The following ACAP2 variants were observed in gnomAD, a reference collection of about 807,000 sequenced individuals.
ACAP2 encodes the protein ArfGAP with coiled-coil, ankyrin repeat and PH domains 2, also known as arf-GAP with coiled-coil, ANK repeat and PH domain-containing protein 2.
ACAP2 carries 39 observed loss-of-function variants against 115.8 expected under a neutral mutation model. The ratio of observed to expected loss-of-function variants is 0.34; its 90% CI spans 0.26 to 0.44. The LOEUF (loss-of-function observed/expected upper bound fraction) is 0.44. Among genes scored for constraint, ACAP2 ranks in the 20% least tolerant of loss-of-function variants. The pLI is 1.00. For synonymous variants in ACAP2, 289 were observed against 315.8 expected (o/e 0.92, Z 0.90); for missense variants, 662 against 927.6 (o/e 0.71, Z 3.72).
chr3:195,367,135 T>C (rs1170142010), intron 4 of ACAP2, among the ~76,000 whole-genome samples: 1 of 151,480 alleles, frequency 6.6e-6, no homozygotes, highest in Admixed American at 6.6e-5. Flanking sequence ...AAACAGTGGT[T>C]TTCAAATGTT....
chr3:195,375,463 T>C (rs573661192), intron 4 of ACAP2, among the ~76,000 whole-genome samples: 40 of 149,192 alleles, frequency 2.7e-4, no homozygotes, highest in Non-Finnish European at 4.1e-4. Context: ...AAACCATTAG[T>C]TGAGTGACTA....
At chr3:195,295,932 C>A in intron 16 of ACAP2, 40 bp from the exon 17 acceptor site, 1 of 1,535,170 alleles carries the variant, frequency 6.5e-7, no homozygotes. Flanking sequence ...TGCTTAATCT[C>A]TCAGCATGGC....
At chr3:195,364,728 G>A (rs535113402) in intron 4 of ACAP2, among the ~76,000 whole-genome samples, 22 of 152,242 alleles carry the variant, frequency 1.4e-4, no homozygotes, top group African/African-American at 5.3e-4. Context: ...AGATTCCTGA[G>A]AAAACTAAAA....
At chr3:195,282,648 T>C (rs1726582700) in intron 22 of ACAP2, 1 of 152,248 alleles carries the variant, frequency 6.6e-6, no homozygotes. Flanking sequence ...CAACCCAGAA[T>C]ATGCTGCCAT....
chr3:195,357,499 T>C (rs1732053615), intron 4 of ACAP2, among the ~76,000 whole-genome samples: 2 of 151,976 alleles, frequency 1.3e-5, no homozygotes, highest in Admixed American at 6.6e-5. Context: ...TGCAGCCAGG[T>C]AATAGTTACA....
intron 10 of ACAP2, among the ~76,000 whole-genome samples, chr3:195,310,717 T>C (rs1728709139): frequency 6.6e-6 from 1 of 152,214 alleles, no homozygotes. Context: ...TATGTTGTTG[T>C]CAAAGAGCTA....
At chr3:195,418,479 C>T (rs1026122809) in intron 1 of ACAP2, among the ~76,000 whole-genome samples, 3 of 152,160 alleles carry the variant, frequency 2.0e-5, no homozygotes, top group East Asian at 3.9e-4. Context: ...GGCAGGGGTG[C>T]GGTGGTACCA....
chr3:195,316,695 A>ACCAC (rs1220783708), intron 10 of ACAP2, among the ~76,000 whole-genome samples: 1 of 152,032 alleles, frequency 6.6e-6, no homozygotes, highest in African/African-American at 2.4e-5. Context: ...CACCATGTCC[A>ACCAC]CCACATGTAT....
chr3:195,377,241 C>A (rs952008698), intron 4 of ACAP2, among the ~76,000 whole-genome samples: 4 of 148,090 alleles, frequency 2.7e-5, no homozygotes, highest in African/African-American at 1.0e-4. Flanking sequence ...ACTTCCCAGG[C>A]TCAAGTGATC....
At chr3:195,290,929 G>A (rs148573592) in intron 20 of ACAP2, among the ~76,000 whole-genome samples, 71 of 152,024 alleles carry the variant, frequency 4.7e-4, no homozygotes, top group African/African-American at 1.7e-3. Flanking sequence ...GGGGAGGATC[G>A]CTTGAGCCTA....
chr3:195,375,343 C>T (rs1460784026), intron 4 of ACAP2, among the ~76,000 whole-genome samples: 1 of 151,918 alleles, frequency 6.6e-6, no homozygotes, highest in Non-Finnish European at 1.5e-5. Context: ...CCCTTATCTC[C>T]CCATGAAGTT....
Position 195,302,059 on chromosome 3 carries a change from T to G in ACAP2, c.1232A>C (p.Asn411Thr). The change falls in exon 14 of 23, where the codon AAT becomes ACT. Residue 411 changes from asparagine (N) to threonine (T), a missense_variant. By Grantham distance (65) the Asn-to-Thr change is moderately conservative. Around this residue, in one of 3 missense-constraint regions of ACAP2, gnomAD observed 401 missense variants for 604.4 expected, o/e 0.66. Coordinates refer to ENST00000326793, the MANE Select transcript of ACAP2 (RefSeq NM_012287.6). ...CAGGCCACAGTCACAACAGCTGGCA[T>G]TGCCAGGGATACACTGGACCCGCTG... Reference protein sequence around the residue: ...ALQRVQCIPGNASCCDCGLAD... With the variant: ...ALQRVQCIPGTASCCDCGLAD... 6.2e-7 allele frequency: 1 copy of G among 1,614,168 alleles called. No homozygotes were observed. Among genetic ancestry groups the G allele is most frequent in the Non-Finnish European group, 8.5e-7 (1 of 1,180,036 alleles).
At chr3:195,294,880 G>A in intron 17 of ACAP2, 69 bp from the exon 18 acceptor site, 1 of 1,015,228 alleles carries the variant, frequency 9.9e-7, no homozygotes, top group Non-Finnish European at 1.5e-6. Context: ...CCACAAACAA[G>A]GTTTTAAAAT....
chr3:195,400,408 A>ATGTGTAG (rs1491115231), intron 1 of ACAP2, among the ~76,000 whole-genome samples: 1 of 151,976 alleles, frequency 6.6e-6, no homozygotes, highest in Non-Finnish European at 1.5e-5. Context: ...CATTTTTAAC[A>ATGTGTAG]TGTGTAGTGG....
intron 6 of ACAP2, among the ~76,000 whole-genome samples, chr3:195,341,125 GT>G (rs1730837652): frequency 6.6e-6 from 1 of 151,928 alleles, no homozygotes; most frequent in African/African-American, 2.4e-5. Flanking sequence ...AAGCATTAAA[GT>G]TTTTTTAGGC....
At chr3:195,296,843 T>C (rs80041200) in intron 16 of ACAP2, among the ~76,000 whole-genome samples, 11,198 of 152,224 alleles carry the variant, frequency 0.074, 515 homozygotes, top group East Asian at 0.19. Flanking sequence ...CACTGTAGGT[T>C]AACAGAAACT....
chr3:195,354,945 C>T (rs753214234), intron 4 of ACAP2, among the ~76,000 whole-genome samples: 3 of 152,206 alleles, frequency 2.0e-5, no homozygotes, highest in African/African-American at 7.2e-5. Flanking sequence ...CTCACTGTTA[C>T]CTGTACTTCC....
rs1012532372 is a variant in ACAP2 at position 195,301,658 on chromosome 3, A to G, written c.1326-14T>C. The G allele has an allele frequency of 6.2e-7, 1 of 1,606,936 alleles. No homozygotes were observed. Among genetic ancestry groups the G allele is most frequent in the African/African-American group, 1.3e-5 (1 of 74,544 alleles). ...ACCCCAAGGCTCCTAAGTGGAAAAA[A>G]GAAGACTGCATTACTATCAAGTCTC... On this transcript the variant is annotated splice_polypyrimidine_tract_variant and intron_variant, in intron 14 of 22. Coordinates refer to ENST00000326793, the MANE Select transcript of ACAP2 (RefSeq NM_012287.6).
intron 4 of ACAP2, chr3:195,349,977 G>A (rs1484634560): frequency 5.6e-6 from 1 of 179,416 alleles, no homozygotes; most frequent in Non-Finnish European, 1.2e-5. Flanking sequence ...GATTACCTAT[G>A]TGTCTGTCAC....
Sources: gnomAD v4.1 joint callset for allele counts (sites outside exome capture counted in the v4.1 genomes callset) on GRCh38, gnomAD v4.1.1 for gene constraint, gnomAD v4.1.1 regional missense constraint, MANE v1.5 for transcripts, NCBI Gene and HGNC (gene_info 2026-07-23, HGNC 2026-07-21) for gene names.